RGSL1: variants seen among roughly 807,000 people sequenced by gnomAD.
RGSL1 encodes the protein regulator of G protein signaling protein-like.
A neutral mutation model predicts 124.7 loss-of-function variants in RGSL1; 97 were observed. The ratio of observed to expected loss-of-function variants is 0.78; its 90% CI spans 0.66 to 0.92. The LOEUF (loss-of-function observed/expected upper bound fraction) is 0.92, where lower values mean the gene tolerates loss of function less well. Ranked by LOEUF, RGSL1 falls within the 40% of genes least tolerant of loss-of-function variation. The pLI, the probability that RGSL1 is intolerant of heterozygous loss-of-function variation, is 0.00. For missense variants in RGSL1, 1,233 were observed against 1,288.4 expected, an observed-to-expected ratio of 0.96 and a Z score of 0.66; for synonymous variants, 424 against 438.1, an observed-to-expected ratio of 0.97 and a Z score of 0.40.
intron 4 of RGSL1, among the ~76,000 whole-genome samples, chr1:182,469,492 A>G (rs1653637139): frequency 6.6e-6 from 1 of 152,220 alleles, no homozygotes; most frequent in Non-Finnish European, 1.5e-5. Flanking sequence ...TGTGTACCAA[A>G]AAAAATAAGA....
chr1:182,495,860 T>G (rs985268063), intron 9 of RGSL1, among the ~76,000 whole-genome samples: 1 of 152,146 alleles, frequency 6.6e-6, no homozygotes, highest in African/African-American at 2.4e-5. Context: ...TTCTTGTACC[T>G]TCTGACCTGC....
At chr1:182,526,029 A>G (rs906532771) in intron 10 of RGSL1, among the ~76,000 whole-genome samples, 1 of 152,202 alleles carries the variant, frequency 6.6e-6, no homozygotes, top group Non-Finnish European at 1.5e-5. Flanking sequence ...TAAGCTAGCT[A>G]TGTTTCAAGG....
Position 182,530,154 on chromosome 1 carries a change from C to CT in RGSL1, c.2126-89dup, listed in dbSNP as rs1170159916. Reference sequence around the variant, plus strand: ...GATTGAAAATGGGGGCTGTGAGACTCTAAGATAAAAAAAAAAAACAAAAAA... The same window carrying CT: ...GATTGAAAATGGGGGCTGTGAGACTCTTAAGATAAAAAAAAAAAACAAAAAA... On this transcript the variant is annotated intron_variant, in intron 11 of 21. Coordinates refer to ENST00000294854, the MANE Select transcript of RGSL1 (RefSeq NM_001137669.2). The CT allele has an allele frequency of 4.3e-6, 4 of 929,702 alleles. No individual in the cohort carries two copies. In the Admixed American group the frequency reaches 1.1e-4, roughly 25 times the overall value. The allele number at this position is 929,702 out of a possible 1,614,324, so 57.6% of individuals were successfully genotyped here.
upstream of RGSL1, among the ~76,000 whole-genome samples, chr1:182,448,796 T>A (rs1651625471): frequency 6.6e-6 from 1 of 152,174 alleles, no homozygotes; most frequent in Non-Finnish European, 1.5e-5. Context: ...GATACTGGCT[T>A]TTCATCTTTA....
In RGSL1 at chr1:182,474,407, C is replaced by G; in HGVS notation, c.1296C>G (p.Ile432Met). 6.4e-7 allele frequency: 1 copy of G among 1,552,018 alleles called. No individual in the cohort carries two copies. The highest frequency in any genetic ancestry group is 8.7e-7 in the Non-Finnish European group (1 of 1,147,044). ...AIFRHLLGDR[I>M]CELYLNEQIG... ...TTCGTCACTTGCTGGGTGACAGAAT[C>G]TGCGAGCTCTACCTGAATGAGCAGA... Residue 432 changes from isoleucine to methionine, a missense_variant, in exon 6 of 22, where the codon ATC (isoleucine) becomes ATG (methionine). Physicochemically the swap from Ile to Met is conservative, Grantham distance 10. Coordinates refer to ENST00000294854, the MANE Select transcript of RGSL1 (RefSeq NM_001137669.2).
At chr1:182,504,343 T>C (rs1309685998) in intron 9 of RGSL1, among the ~76,000 whole-genome samples, 1 of 152,102 alleles carries the variant, frequency 6.6e-6, no homozygotes, top group Admixed American at 6.5e-5. Flanking sequence ...TTTGTAACTT[T>C]CTTTGCTCAT....
intron 9 of RGSL1, among the ~76,000 whole-genome samples, chr1:182,511,013 C>T (rs1256607967): frequency 6.6e-6 from 1 of 152,070 alleles, no homozygotes; most frequent in Non-Finnish European, 1.5e-5. Flanking sequence ...TTTGCCCAGA[C>T]CAATGTCCTG....
chr1:182,537,341 C>T (rs1008705823), intron 14 of RGSL1, among the ~76,000 whole-genome samples: 6 of 152,080 alleles, frequency 3.9e-5, no homozygotes, highest in African/African-American at 9.7e-5. Context: ...AAATAAATTT[C>T]GTGTTTAGAT....
rs1488049467 is a variant in RGSL1 at position 182,472,251 on chromosome 1, A to G, written c.302-145A>G. On this transcript the variant is annotated intron_variant, in intron 4 of 21. Coordinates refer to ENST00000294854, the MANE Select transcript of RGSL1 (RefSeq NM_001137669.2). ...CTCCCCCACAGTAGAACTTTTCTAG[A>G]GATGATACCTTGAACCAATCACCAG... 3 of 681,190 alleles carry G rather than the reference A, an allele frequency of 4.4e-6. No homozygotes were observed. The Admixed American group carries it at 1.0e-4, about 23-fold the overall frequency. 42.2% of individuals were successfully genotyped at this position (681,190 alleles called of 1,614,324 possible).
chr1:182,496,089 T>C (rs909953302), intron 9 of RGSL1, among the ~76,000 whole-genome samples: 1 of 152,162 alleles, frequency 6.6e-6, no homozygotes. Flanking sequence ...TGCTGGCATC[T>C]GCTTGGCTTC....
rs1056307261 is a variant in RGSL1 at position 182,489,312 on chromosome 1, T to C, written c.1717+110T>C. The C allele has an allele frequency of 7.1e-6, 7 of 982,806 alleles. No individual in the cohort carries two copies. In the African/African-American group the frequency reaches 1.1e-4, roughly 16 times the overall value. The allele number at this position is 982,806 out of a possible 1,614,324, so 60.9% of individuals were successfully genotyped here. A position where few individuals can be genotyped will look rare whatever the true frequency, so the allele number is the denominator to read the frequency against. On this transcript the variant is annotated intron_variant, in intron 8 of 21. Transcript: ENST00000294854. ...GCGTCAGCACTATGCAGTGCAGGGA[T>C]TACCTAATTTGGTCATCAAAACAGC... is the stretch of plus-strand genomic sequence containing the variant.
At position 182,560,549 on chromosome 1, in the gene RGSL1, T is replaced by C. The variant is rs1346357922; in HGVS notation, c.*436T>C. The C allele has an allele frequency of 6.6e-6, 1 of 152,182 alleles. No individual in the cohort carries two copies. The highest frequency in any genetic ancestry group is 2.4e-5 in the African/African-American group (1 of 41,412). The allele number at this position is 152,182 out of a possible 1,614,324, so 9.4% of individuals were successfully genotyped here. Reference sequence around the variant, plus strand: ...GGGTGCCAGCCCTCACCCATACACCTCCAGGGCTGCAGGTCATTAGCCAGA... The same window carrying C: ...GGGTGCCAGCCCTCACCCATACACCCCCAGGGCTGCAGGTCATTAGCCAGA... On this transcript the variant is annotated 3_prime_UTR_variant, in exon 22 of 22. Transcript: ENST00000294854.
intron 14 of RGSL1, among the ~76,000 whole-genome samples, chr1:182,534,020 G>T (rs997527552): frequency 2.0e-5 from 3 of 152,192 alleles, no homozygotes; most frequent in Non-Finnish European, 2.9e-5. Flanking sequence ...TGGGGCAAAT[G>T]CTTGAGATGA....
At chr1:182,508,086 T>A (rs1656961572) in intron 9 of RGSL1, among the ~76,000 whole-genome samples, 1 of 152,148 alleles carries the variant, frequency 6.6e-6, no homozygotes, top group African/African-American at 2.4e-5. Flanking sequence ...CTATTTTTAA[T>A]TTTCCGAGAA....
rs186356043 is a variant in RGSL1 at position 182,461,366 on chromosome 1, C to A, written c.301+1233C>A. ...ACAAAATTAACAACAAAAACCCCCC[C>A]AGCAAACTCTGTGAAAAGGAGGGAA... On this transcript the variant is annotated intron_variant, in intron 4 of 21. Transcript: ENST00000294854. Among the ~76,000 whole-genome samples, 66 of 151,956 alleles carry A rather than the reference C, an allele frequency of 4.3e-4. 1 individual carries two copies. The highest frequency in any genetic ancestry group is 5.2e-4 in the Admixed American group (8 of 15,256).
chr1:182,461,190 A>G (rs1473801671), intron 4 of RGSL1, among the ~76,000 whole-genome samples: 1 of 151,942 alleles, frequency 6.6e-6, no homozygotes, highest in East Asian at 1.9e-4. Context: ...TTCAAAAACA[A>G]CTGCATATAT....
At chr1:182,550,873 A>G (rs999860815) in intron 17 of RGSL1, 6 of 522,642 alleles carry the variant, frequency 1.1e-5, no homozygotes, top group Admixed American at 3.3e-5. Flanking sequence ...AGAAGCCCCA[A>G]CAAACTGCCC....
chr1:182,466,922 A>G (rs1653382634), intron 4 of RGSL1, among the ~76,000 whole-genome samples: 1 of 152,200 alleles, frequency 6.6e-6, no homozygotes, highest in Non-Finnish European at 1.5e-5. Flanking sequence ...ACTTACTACA[A>G]GTTTACAGCA....
At chr1:182,489,657 G>A (rs1237790394) in intron 8 of RGSL1, among the ~76,000 whole-genome samples, 1 of 152,230 alleles carries the variant, frequency 6.6e-6, no homozygotes. Context: ...AGCCCACCCA[G>A]GCAGTGGAGA....
Sources: allele counts gnomAD v4.1 joint callset (sites outside exome capture counted in the v4.1 genomes callset), GRCh38; gene constraint gnomAD v4.1.1; transcripts MANE v1.5; gene names NCBI Gene and HGNC (gene_info 2026-07-23, HGNC 2026-07-21).